Variants in HS3ST4 observed in about 807,000 individuals in gnomAD.
The protein encoded by HS3ST4 is heparan sulfate glucosamine 3-O-sulfotransferase 4.
In HS3ST4, 17 loss-of-function variants were observed where a neutral mutation model predicts 29.2. The observed-to-expected ratio is 0.58, with a 90% confidence interval of 0.40 to 0.87. The LOEUF (loss-of-function observed/expected upper bound fraction) is 0.87. Among genes scored for constraint, HS3ST4 ranks in the 40% least tolerant of loss-of-function variants. The pLI is 0.00. For synonymous variants in HS3ST4, 314 were observed against 285.7 expected, an observed-to-expected ratio of 1.10 and a Z score of -1.00; for missense variants, 627 against 634.5, an observed-to-expected ratio of 0.99 and a Z score of 0.13.
intron 1 of HS3ST4, among the ~76,000 whole-genome samples, chr16:26,081,436 A>G (rs1898722744): frequency 6.6e-6 from 1 of 152,242 alleles, no homozygotes; most frequent in Non-Finnish European, 1.5e-5. Flanking sequence ...CCAAGGTGCC[A>G]GGTACTCTGT....
chr16:25,820,103 T>C (rs1300373719), intron 1 of HS3ST4, among the ~76,000 whole-genome samples: 1 of 148,616 alleles, frequency 6.7e-6, no homozygotes, highest in Admixed American at 6.7e-5. Context: ...CGTGTGAATG[T>C]GTAGATCTCT....
chr16:26,083,753 A>G (rs747971163), intron 1 of HS3ST4, among the ~76,000 whole-genome samples: 126 of 152,200 alleles, frequency 8.3e-4, no homozygotes, highest in Non-Finnish European at 1.4e-3. Context: ...AAACCAGGAA[A>G]GAGTTAAATA....
At chr16:25,761,750 G>A in intron 1 of HS3ST4, among the ~76,000 whole-genome samples, 1 of 152,276 alleles carries the variant, frequency 6.6e-6, no homozygotes, top group Middle Eastern at 3.4e-3. Flanking sequence ...CCTCTATTGT[G>A]CCCCACGGGC....
chr16:25,758,444 C>T (rs965027327), intron 1 of HS3ST4, among the ~76,000 whole-genome samples: 2 of 152,282 alleles, frequency 1.3e-5, no homozygotes, highest in Non-Finnish European at 2.9e-5. Flanking sequence ...CTTATGTCAT[C>T]GAACCAAGTC....
At chr16:25,701,601 A>T (rs911250315) in intron 1 of HS3ST4, among the ~76,000 whole-genome samples, 1 of 152,186 alleles carries the variant, frequency 6.6e-6, no homozygotes, top group African/African-American at 2.4e-5. Context: ...GAGAGACTGG[A>T]GGGAGGTGCA....
chr16:26,049,330 C>A (rs533313819), intron 1 of HS3ST4, among the ~76,000 whole-genome samples: 2 of 86,704 alleles, frequency 2.3e-5, no homozygotes, highest in Non-Finnish European at 6.0e-5. Flanking sequence ...CTGGGAAGTC[C>A]GGAGGTCTAC....
At chr16:25,967,778 G>A (rs1968857882) in intron 1 of HS3ST4, among the ~76,000 whole-genome samples, 1 of 152,198 alleles carries the variant, frequency 6.6e-6, no homozygotes, top group Admixed American at 6.5e-5. Context: ...GAACCTCTGG[G>A]AGAGGAGGGT....
intron 1 of HS3ST4, among the ~76,000 whole-genome samples, chr16:26,053,847 T>A (rs1898374650): frequency 6.6e-6 from 1 of 152,054 alleles, no homozygotes; most frequent in Admixed American, 6.6e-5. Context: ...TGCGGTAACA[T>A]CCACCACAAA....
At chr16:26,132,457 C>T (rs551918771) in intron 1 of HS3ST4, among the ~76,000 whole-genome samples, 42 of 152,278 alleles carry the variant, frequency 2.8e-4, no homozygotes, top group African/African-American at 9.9e-4. Flanking sequence ...CTCTGCTCCC[C>T]TCTACTGTCT....
intron 1 of HS3ST4, among the ~76,000 whole-genome samples, chr16:25,911,612 T>G (rs1968241094): frequency 6.8e-6 from 1 of 146,568 alleles, no homozygotes; most frequent in South Asian, 2.3e-4. Context: ...GCTCAAGTGA[T>G]CCTCCTGCCT....
At chr16:25,879,262 A>T (rs762983545) in intron 1 of HS3ST4, among the ~76,000 whole-genome samples, 1 of 152,210 alleles carries the variant, frequency 6.6e-6, no homozygotes, top group Non-Finnish European at 1.5e-5. Flanking sequence ...CTTTGGGTAG[A>T]AAGAATGCAC....
chr16:25,854,156 T>G (rs1967550118), intron 1 of HS3ST4, among the ~76,000 whole-genome samples: 1 of 152,044 alleles, frequency 6.6e-6, no homozygotes. Flanking sequence ...TTGCCAAGGT[T>G]GGAGTGCAGT....
At chr16:25,855,280 C>A (rs1967564476) in intron 1 of HS3ST4, among the ~76,000 whole-genome samples, 1 of 152,160 alleles carries the variant, frequency 6.6e-6, no homozygotes, top group Non-Finnish European at 1.5e-5. Flanking sequence ...GAAGCCCCCA[C>A]ATAGCAGACT....
intron 1 of HS3ST4, among the ~76,000 whole-genome samples, chr16:25,746,469 A>G (rs1161153159): frequency 6.6e-6 from 1 of 152,130 alleles, no homozygotes; most frequent in Non-Finnish European, 1.5e-5. Flanking sequence ...AAAGAGTTAC[A>G]AGTGATTACA....
intron 1 of HS3ST4, among the ~76,000 whole-genome samples, chr16:25,808,866 G>A (rs1332234359): frequency 6.6e-6 from 1 of 152,098 alleles, no homozygotes; most frequent in Non-Finnish European, 1.5e-5. Flanking sequence ...CTTTGGAGCA[G>A]TTGTAAATTA....
chr16:25,969,460 G>C (rs576732850), intron 1 of HS3ST4, among the ~76,000 whole-genome samples: 38 of 152,316 alleles, frequency 2.5e-4, no homozygotes, highest in African/African-American at 8.9e-4. Flanking sequence ...GCTCGTGGGG[G>C]TGGAGGCACA....
chr16:25,918,612 C>T (rs1968316183), intron 1 of HS3ST4, among the ~76,000 whole-genome samples: 1 of 152,176 alleles, frequency 6.6e-6, no homozygotes, highest in South Asian at 2.1e-4. Flanking sequence ...GGCAGGTCTC[C>T]AGGAAGAGAG....
intron 1 of HS3ST4, among the ~76,000 whole-genome samples, chr16:25,700,065 T>C (rs7190312): frequency 0.27 from 41,742 of 152,044 alleles, 5,961 homozygotes; most frequent in South Asian, 0.41. Context: ...CATTTAAATG[T>C]AGTCTTTTAT....
intron 1 of HS3ST4, among the ~76,000 whole-genome samples, chr16:25,723,620 T>C (rs1471323885): frequency 6.6e-6 from 1 of 152,188 alleles, no homozygotes; most frequent in East Asian, 1.9e-4. Context: ...AAAGAATGGA[T>C]TTGTCCATTT....
Sources: allele counts gnomAD v4.1 joint callset (sites outside exome capture counted in the v4.1 genomes callset), GRCh38; gene constraint gnomAD v4.1.1; transcripts MANE v1.5; gene names NCBI Gene and HGNC (gene_info 2026-07-23, HGNC 2026-07-21).